Variants in LIMA1 observed in about 807,000 individuals in gnomAD.
The protein encoded by LIMA1 is LIM domain and actin-binding protein 1.
LIMA1 carries 52 observed loss-of-function variants against 62.6 expected under a neutral mutation model. The ratio of observed to expected loss-of-function variants is 0.83; its 90% CI spans 0.67 to 1.05. The LOEUF (loss-of-function observed/expected upper bound fraction) is 1.05, where lower values mean the gene tolerates loss of function less well. Ranked by LOEUF, LIMA1 falls within the 50% of genes least tolerant of loss-of-function variation. The probability of loss-of-function intolerance (pLI) is 0.00; values close to 1 mark genes in which losing one functional copy is unlikely to be tolerated. For missense variants in LIMA1, 780 were observed against 902.2 expected, an observed-to-expected ratio of 0.86 and a Z score of 1.74; for synonymous variants, 302 against 317.8, an observed-to-expected ratio of 0.95 and a Z score of 0.53.
At chr12:50,195,329 GA>G (rs1222818101) in intron 8 of LIMA1, among the ~76,000 whole-genome samples, 1 of 152,122 alleles carries the variant, frequency 6.6e-6, no homozygotes, top group Non-Finnish European at 1.5e-5. Context: ...AAAATAGGAT[GA>G]CAGGTGACAA....
chr12:50,213,932 G>A (rs1941300313), intron 4 of LIMA1, among the ~76,000 whole-genome samples: 2 of 152,014 alleles, frequency 1.3e-5, no homozygotes, highest in Non-Finnish European at 2.9e-5. Flanking sequence ...GTCTCTAGCT[G>A]GCACATCAAG....
intron 10 of LIMA1, among the ~76,000 whole-genome samples, chr12:50,179,808 A>G (rs1450579139): frequency 6.6e-6 from 1 of 151,314 alleles, no homozygotes; most frequent in African/African-American, 2.4e-5. Flanking sequence ...TGGTATGATC[A>G]TAGCTCACTG....
chr12:50,246,895 A>T (rs1941857366), intron 2 of LIMA1, among the ~76,000 whole-genome samples: 1 of 152,224 alleles, frequency 6.6e-6, no homozygotes, highest in Non-Finnish European at 1.5e-5. Flanking sequence ...CCCTGAAGGT[A>T]AAAATTACCT....
intron 9 of LIMA1, among the ~76,000 whole-genome samples, chr12:50,183,964 T>C (rs1940570505): frequency 6.6e-6 from 1 of 151,838 alleles, no homozygotes; most frequent in South Asian, 2.1e-4. Context: ...AAAATGTGCA[T>C]AAAATGAAAA....
chr12:50,248,220 G>T (rs1397381693), intron 2 of LIMA1, among the ~76,000 whole-genome samples: 1 of 152,128 alleles, frequency 6.6e-6, no homozygotes, highest in African/African-American at 2.4e-5. Context: ...AGTGCTTAAC[G>T]CACCATTCAA....
At chr12:50,192,375 A>G in intron 9 of LIMA1, 77 bp downstream of exon 9, 1 of 1,014,206 alleles carries the variant, frequency 9.9e-7, no homozygotes, top group Non-Finnish European at 1.6e-6. Context: ...TATAATCAAC[A>G]TCATCATCAT....
chr12:50,201,090 T>C (rs1320075615), intron 6 of LIMA1: 27 of 1,355,528 alleles, frequency 2.0e-5, no homozygotes, highest in South Asian at 3.2e-5. Flanking sequence ...CAGAGTTAAA[T>C]ATCTGTATGC....
chr12:50,234,909 G>A (rs555403657), intron 2 of LIMA1, among the ~76,000 whole-genome samples: 9 of 152,122 alleles, frequency 5.9e-5, no homozygotes, highest in South Asian at 4.1e-4. Flanking sequence ...TACCGGGGAG[G>A]CTGAGATAGG....
Position 50,177,487 on chromosome 12 carries a change from T to C in LIMA1, c.1857A>G (p.Ser619=). 1 of 1,613,896 alleles carries C rather than the reference T, an allele frequency of 6.2e-7. No homozygotes were observed. Among genetic ancestry groups the C allele is most frequent in the Non-Finnish European group, 8.5e-7 (1 of 1,179,964 alleles). The change falls in exon 11 of 11, where the codon TCA becomes TCG. Residue 619 remains serine (S), a synonymous_variant. Transcript: ENST00000341247. The part of the protein sequence containing the change: ...SPPIRKGWSM[S]EQSEESVGGR... Reference sequence around the variant, plus strand: ...CACCCACAGACTCTTCACTCTGCTCTGACATGCTCCAGCCTTTCCTGATAG... The same window carrying C: ...CACCCACAGACTCTTCACTCTGCTCCGACATGCTCCAGCCTTTCCTGATAG...
intron 10 of LIMA1, among the ~76,000 whole-genome samples, chr12:50,179,490 T>G (rs1011806500): frequency 6.1e-5 from 9 of 148,006 alleles, no homozygotes; most frequent in African/African-American, 2.0e-4. Flanking sequence ...CAGGCTGGAG[T>G]GCAGTGACAC....
chr12:50,195,756 A>T, intron 8 of LIMA1, 74 bp downstream of exon 8: 1 of 1,440,380 alleles, frequency 6.9e-7, no homozygotes, highest in South Asian at 1.3e-5. Context: ...ACTGACAGTA[A>T]TGGGAACACC....
chr12:50,227,858 T>C (rs1158269275), intron 3 of LIMA1, among the ~76,000 whole-genome samples: 1 of 148,018 alleles, frequency 6.8e-6, no homozygotes, highest in African/African-American at 2.5e-5. Flanking sequence ...TTTTTTTTCT[T>C]TTTTTTTTTT....
chr12:50,234,225 TTG>T, intron 2 of LIMA1: 2 of 420,184 alleles, frequency 4.8e-6, no homozygotes, highest in Admixed American at 3.5e-5. Flanking sequence ...TTTTTTTTTT[TTG>T]AGACAGAGTC....
intron 2 of LIMA1, among the ~76,000 whole-genome samples, chr12:50,245,027 T>TCTCTC (rs1352040319): frequency 1.3e-5 from 2 of 151,978 alleles, no homozygotes; most frequent in Admixed American, 1.3e-4. Flanking sequence ...TCCAAATGCA[T>TCTCTC]CATTTCAGAG....
At chr12:50,254,769 G>A (rs994649368) in intron 1 of LIMA1, among the ~76,000 whole-genome samples, 1 of 152,042 alleles carries the variant, frequency 6.6e-6, no homozygotes, top group African/African-American at 2.4e-5. Flanking sequence ...ACCAGGCTTG[G>A]ACAAAAACAG....
Position 50,206,065 on chromosome 12 carries a change from G to A in LIMA1, c.634C>T (p.Leu212Phe). 1 of 1,611,650 alleles carries A rather than the reference G, an allele frequency of 6.2e-7. No homozygotes were observed. Among genetic ancestry groups the A allele is most frequent in the Non-Finnish European group, 8.5e-7 (1 of 1,178,442 alleles). The change falls in exon 5 of 11, where the codon CTC becomes TTC. Residue 212 changes from leucine (L) to phenylalanine (F), a missense_variant. Physicochemically the swap from Leu to Phe is conservative, Grantham distance 22. Transcript: ENST00000341247. ...EKGEPTQTKI[L>F]RAQSRSASGR... is the part of the protein sequence containing the mutation. ...CTTGCACTTCGGCTTTGGGCCCGGA[G>A]AATCTGGAAAACGAAACCCAACGAT...
In LIMA1 at chr12:50,251,563, G is replaced by A. The variant is rs1386244226; in HGVS notation, c.-23-2789C>T. On this transcript the variant is annotated intron_variant, in intron 1 of 10. Coordinates refer to ENST00000341247, the MANE Select transcript of LIMA1 (RefSeq NM_016357.5). Reference sequence around the variant, plus strand: ...TTGAACCCTGGAGGCAGAGGATGCAGTGAGCTGAGATCATGCCACTGCACT... The same window carrying A: ...TTGAACCCTGGAGGCAGAGGATGCAATGAGCTGAGATCATGCCACTGCACT... 3.4e-5 allele frequency among the ~76,000 whole-genome samples: 5 copies of A among 148,144 alleles called. No homozygotes were observed. In the Admixed American group the frequency reaches 3.4e-4, roughly 10 times the overall value.
intron 1 of LIMA1, among the ~76,000 whole-genome samples, chr12:50,250,290 CAAAAAAAAAAA>C (rs11327744): frequency 3.1e-5 from 2 of 64,634 alleles, no homozygotes; most frequent in African/African-American, 1.2e-4. Flanking sequence ...AACTCCGTTT[CAAAAAAAAAAA>C]AAAAAAAAAA....
intron 2 of LIMA1, among the ~76,000 whole-genome samples, chr12:50,240,294 C>T (rs1056817631): frequency 1.3e-5 from 2 of 151,910 alleles, no homozygotes; most frequent in Non-Finnish European, 2.9e-5. Flanking sequence ...GGCAATGAGG[C>T]GGGAGGCAGG....
Sources: allele counts gnomAD v4.1 joint callset (sites outside exome capture counted in the v4.1 genomes callset), GRCh38; gene constraint gnomAD v4.1.1; transcripts MANE v1.5; gene names NCBI Gene and HGNC (gene_info 2026-07-23, HGNC 2026-07-21).